TBC1D19: variants seen among roughly 807,000 people sequenced by gnomAD.
TBC1D19 encodes TBC1 domain family, member 19.
TBC1D19 carries 60 observed loss-of-function variants against 89.0 expected under a neutral mutation model. That is an observed-to-expected ratio of 0.67 (90% CI 0.55 to 0.84). The LOEUF (loss-of-function observed/expected upper bound fraction) is 0.84. Ranked by LOEUF, TBC1D19 falls within the 40% of genes least tolerant of loss-of-function variation. The pLI is 0.00. For synonymous variants in TBC1D19, 189 were observed against 199.7 expected (o/e 0.95, Z 0.45); for missense variants, 500 against 610.8 (o/e 0.82, Z 1.91).
At chr4:26,577,590 C>T (rs1045318124) in intron 1 of TBC1D19, among the ~76,000 whole-genome samples, 11 of 152,078 alleles carry the variant, frequency 7.2e-5, no homozygotes, top group African/African-American at 2.7e-4. Context: ...GAAGCAGATG[C>T]TAAAATAAGA....
intron 1 of TBC1D19, among the ~76,000 whole-genome samples, chr4:26,606,937 TC>T (rs1293907700): frequency 6.6e-6 from 1 of 152,162 alleles, no homozygotes; most frequent in Non-Finnish European, 1.5e-5. Context: ...CTGCTTTGCT[TC>T]TCCAGTTCCC....
At chr4:26,793,712 G>C in the TBC1D19 span, among the ~76,000 whole-genome samples, 1 of 131,622 alleles carries the variant, frequency 7.6e-6, no homozygotes, top group African/African-American at 2.9e-5. Context: ...GACAGAGTGG[G>C]ACTTCGTCTC....
chr4:26,582,421 C>A (rs899107004), upstream of TBC1D19, among the ~76,000 whole-genome samples: 1 of 152,166 alleles, frequency 6.6e-6, no homozygotes, highest in African/African-American at 2.4e-5. Flanking sequence ...ACAGCTTCAT[C>A]CTTCCCTTCA....
At chr4:26,718,931 C>A (rs906371561) in intron 14 of TBC1D19, among the ~76,000 whole-genome samples, 3 of 151,980 alleles carry the variant, frequency 2.0e-5, no homozygotes, top group African/African-American at 7.2e-5. Context: ...TTCCACAATA[C>A]CCCATATTCG....
chr4:26,640,727 T>C (rs1294963740), intron 7 of TBC1D19, among the ~76,000 whole-genome samples: 1 of 152,186 alleles, frequency 6.6e-6, no homozygotes, highest in African/African-American at 2.4e-5. Context: ...TCCAACAGTC[T>C]TAGCAAACGG....
At chr4:26,748,890 A>G (rs1718795013) in intron 19 of TBC1D19, among the ~76,000 whole-genome samples, 1 of 152,080 alleles carries the variant, frequency 6.6e-6, no homozygotes, top group South Asian at 2.1e-4. Context: ...TGGCTACCTT[A>G]GCAGTCTGTT....
chr4:26,796,842 A>G, the TBC1D19 span, among the ~76,000 whole-genome samples: 1 of 152,210 alleles, frequency 6.6e-6, no homozygotes, highest in African/African-American at 2.4e-5. Context: ...AGCATATCTG[A>G]GATTACCTAG....
At chr4:26,593,241 G>A (rs1739950514) in intron 1 of TBC1D19, among the ~76,000 whole-genome samples, 1 of 152,108 alleles carries the variant, frequency 6.6e-6, no homozygotes, top group Non-Finnish European at 1.5e-5. Context: ...AATGGGGAAA[G>A]GATTCCCTAT....
intron 7 of TBC1D19, among the ~76,000 whole-genome samples, chr4:26,642,403 C>T (rs1743608780): frequency 6.6e-6 from 1 of 152,200 alleles, no homozygotes; most frequent in Non-Finnish European, 1.5e-5. Context: ...ACCACCAGGC[C>T]TGCCCTAAAA....
At chr4:26,815,334 T>G in the TBC1D19 span, among the ~76,000 whole-genome samples, 1 of 152,238 alleles carries the variant, frequency 6.6e-6, no homozygotes, top group South Asian at 2.1e-4. Context: ...ATTACATGGG[T>G]GTTCCCCATA....
intron 13 of TBC1D19, among the ~76,000 whole-genome samples, chr4:26,713,849 A>G (rs1225865825): frequency 6.6e-6 from 1 of 152,104 alleles, no homozygotes; most frequent in Non-Finnish European, 1.5e-5. Flanking sequence ...CAATGTGTAT[A>G]CTCTCTGACT....
the TBC1D19 span, among the ~76,000 whole-genome samples, chr4:26,834,997 T>G: frequency 6.6e-6 from 1 of 152,218 alleles, no homozygotes; most frequent in East Asian, 1.9e-4. Flanking sequence ...CTCCCTGTGG[T>G]AGGCAGAATA....
chr4:26,735,576 G>A, intron 16 of TBC1D19, 89 bp downstream of exon 16: 1 of 1,198,420 alleles, frequency 8.3e-7, no homozygotes, highest in Admixed American at 3.2e-5. Context: ...AGATATAATT[G>A]TTTTACTATA....
chr4:26,645,847 G>A (rs1203815817), intron 7 of TBC1D19, among the ~76,000 whole-genome samples: 5 of 152,146 alleles, frequency 3.3e-5, no homozygotes, highest in African/African-American at 1.2e-4. Flanking sequence ...CAAAGGGCCG[G>A]GCGCGGTGGC....
intron 1 of TBC1D19, among the ~76,000 whole-genome samples, chr4:26,606,158 A>G (rs1226542553): frequency 1.3e-5 from 2 of 152,064 alleles, no homozygotes; most frequent in Non-Finnish European, 2.9e-5. Flanking sequence ...CTGTCTCCTC[A>G]TCAGTAATTT....
intron 4 of TBC1D19, among the ~76,000 whole-genome samples, chr4:26,622,680 C>T (rs1409296499): frequency 6.6e-6 from 1 of 152,052 alleles, no homozygotes; most frequent in East Asian, 1.9e-4. Flanking sequence ...AATCTTGTGA[C>T]ACATGAAAAC....
At chr4:26,636,941 T>TA (rs991920774) in intron 4 of TBC1D19, among the ~76,000 whole-genome samples, 3 of 152,134 alleles carry the variant, frequency 2.0e-5, no homozygotes, top group Non-Finnish European at 4.4e-5. Flanking sequence ...CTTGACATTT[T>TA]AAAAAATCTG....
At position 26,718,308 on chromosome 4, in the gene TBC1D19, T is replaced by TAA. The variant is rs1343744121; in HGVS notation, c.1039+291_1039+292insAA. ...TCATATCTGTTGACTTTTCTTTTTCTTTCTAAGTTTATAACACAGATTTGC... is the reference window on the plus strand; with the variant it reads ...TCATATCTGTTGACTTTTCTTTTTCTAATTCTAAGTTTATAACACAGATTTGC... On this transcript the variant is annotated intron_variant, in intron 14 of 20. Transcript: ENST00000264866. 4.5e-3 allele frequency among the ~76,000 whole-genome samples: 26 copies of TAA among 5,766 alleles called. No homozygotes were observed. In the Admixed American group the frequency reaches 0.11, roughly 24 times the overall value. 3.8% of individuals were successfully genotyped at this position (5,766 alleles called of 152,430 possible). A position where few individuals can be genotyped will look rare whatever the true frequency, so the allele number is the denominator to read the frequency against.
chr4:26,637,363 T>C lies in TBC1D19; in HGVS notation c.369+78T>C, dbSNP rs551492834. On this transcript the variant is annotated intron_variant, in intron 5 of 20. Coordinates refer to ENST00000264866, the MANE Select transcript of TBC1D19 (RefSeq NM_018317.4). The stretch of plus-strand genomic sequence containing the variant: ...AAGTATCATGAAGTTATATAACTGT[T>C]AGGCACATTTATTTATTTATTTATT... 4.4e-6 allele frequency: 5 copies of C among 1,135,632 alleles called. No individual in the cohort carries two copies. The African/African-American group carries it at 7.9e-5, about 18-fold the overall frequency. The allele number at this position is 1,135,632 out of a possible 1,614,324, so 70.3% of individuals were successfully genotyped here.
Sources: allele counts gnomAD v4.1 joint callset (sites outside exome capture counted in the v4.1 genomes callset), GRCh38; gene constraint gnomAD v4.1.1; transcripts MANE v1.5; gene names NCBI Gene and HGNC (gene_info 2026-07-23, HGNC 2026-07-21).